Variants in DDX4 observed in about 807,000 individuals in gnomAD.
The protein encoded by DDX4 is probable ATP-dependent RNA helicase DDX4.
DDX4 carries 25 observed loss-of-function variants against 100.0 expected under a neutral mutation model. The observed-to-expected ratio is 0.25, with a 90% CI of 0.18 to 0.35. The LOEUF (loss-of-function observed/expected upper bound fraction) is 0.35, where lower values mean the gene tolerates loss of function less well. Ranked by LOEUF, DDX4 falls within the 10% of genes least tolerant of loss-of-function variation. The pLI, the probability that DDX4 is intolerant of heterozygous loss-of-function variation, is 1.00. For synonymous variants in DDX4, 259 were observed against 275.7 expected, an observed-to-expected ratio of 0.94 and a Z score of 0.60; for missense variants, 635 against 882.4, an observed-to-expected ratio of 0.72 and a Z score of 3.55.
chr5:55,766,633 C>T (rs1243237725), intron 6 of DDX4, among the ~76,000 whole-genome samples: 1 of 152,142 alleles, frequency 6.6e-6, no homozygotes, highest in Non-Finnish European at 1.5e-5. Flanking sequence ...GAGACTGCAA[C>T]AAGAGCTTTG....
At chr5:55,801,888 A>T (rs1389658273) in intron 18 of DDX4, among the ~76,000 whole-genome samples, 3 of 152,090 alleles carry the variant, frequency 2.0e-5, no homozygotes, top group Non-Finnish European at 4.4e-5. Flanking sequence ...AGTACCTATA[A>T]ATTGGAGTGA....
At chr5:55,761,373 A>C (rs1011831261) in intron 4 of DDX4, among the ~76,000 whole-genome samples, 1 of 152,110 alleles carries the variant, frequency 6.6e-6, no homozygotes, top group Non-Finnish European at 1.5e-5. Context: ...ATTTTGATAC[A>C]GGCTTCTAAA....
chr5:55,776,207 C>G (rs1184712113), intron 7 of DDX4, among the ~76,000 whole-genome samples: 2 of 152,174 alleles, frequency 1.3e-5, no homozygotes, highest in East Asian at 1.9e-4. Context: ...AGATTAAACA[C>G]AGATGAAGAG....
chr5:55,763,340 A>G (rs1227097479), intron 5 of DDX4, 88 bp downstream of exon 5: 6 of 854,082 alleles, frequency 7.0e-6, no homozygotes, highest in Non-Finnish European at 1.2e-5. Context: ...GACATTCCAT[A>G]TTGACATTTA....
At chr5:55,809,694 A>C (rs1024568550) in intron 18 of DDX4, among the ~76,000 whole-genome samples, 4 of 152,188 alleles carry the variant, frequency 2.6e-5, no homozygotes, top group African/African-American at 9.6e-5. Context: ...CAAAATGGGA[A>C]CTGAGTTCAC....
chr5:55,787,766 A>C, intron 14 of DDX4, 80 bp from the exon 15 acceptor site: 1 of 1,479,484 alleles, frequency 6.8e-7, no homozygotes, highest in Non-Finnish European at 9.1e-7. Context: ...TCTAAAGGCT[A>C]TAAGGACATG....
chr5:55,739,345 A>G (rs1211726990), intron 2 of DDX4, among the ~76,000 whole-genome samples: 7 of 152,240 alleles, frequency 4.6e-5, no homozygotes, highest in Non-Finnish European at 1.0e-4. Flanking sequence ...AGACGCTTGT[A>G]TGGAAAATTG....
At chr5:55,802,166 T>C (rs1743357479) in intron 18 of DDX4, among the ~76,000 whole-genome samples, 1 of 152,214 alleles carries the variant, frequency 6.6e-6, no homozygotes, top group Non-Finnish European at 1.5e-5. Flanking sequence ...ACTTATATCT[T>C]GGTTAAAGGA....
intron 17 of DDX4, among the ~76,000 whole-genome samples, chr5:55,793,964 ATCCTGTGCTAGTATATCAAACAT>A (rs1349560382): frequency 7.9e-5 from 12 of 152,152 alleles, no homozygotes; most frequent in Admixed American, 2.6e-4. Flanking sequence ...GTTACATGGG[ATCCTGTGCTAGTATATCAAACAT>A]TCCCAAACCC....
intron 18 of DDX4, among the ~76,000 whole-genome samples, chr5:55,805,558 CT>C (rs1258320666): frequency 6.6e-6 from 1 of 152,046 alleles, no homozygotes; most frequent in Non-Finnish European, 1.5e-5. Flanking sequence ...TGTCAAAGGC[CT>C]TTTCTGCATC....
chr5:55,790,541 A>G (rs1190409505), intron 15 of DDX4, 35 bp from the exon 16 acceptor site: 2 of 1,421,106 alleles, frequency 1.4e-6, no homozygotes, highest in Non-Finnish European at 2.0e-6. Flanking sequence ...ATTTTTAAGT[A>G]ACTAGAAAAT....
intron 18 of DDX4, among the ~76,000 whole-genome samples, chr5:55,807,277 G>A (rs369976069): frequency 6.6e-5 from 10 of 152,046 alleles, no homozygotes; most frequent in Non-Finnish European, 1.3e-4. Context: ...TCTTTATCCA[G>A]TTTGCCAGTC....
At chr5:55,770,838 G>A (rs115333693) in intron 7 of DDX4, among the ~76,000 whole-genome samples, 3,807 of 152,160 alleles carry the variant, frequency 0.025, 64 homozygotes, top group South Asian at 0.051. Flanking sequence ...AGCAATTTTT[G>A]GCACTTAATG....
At chr5:55,770,863 C>G (rs1450438971) in intron 7 of DDX4, among the ~76,000 whole-genome samples, 3 of 152,082 alleles carry the variant, frequency 2.0e-5, no homozygotes. Flanking sequence ...TAAAACATAG[C>G]TCATATTTGA....
intron 3 of DDX4, among the ~76,000 whole-genome samples, chr5:55,756,337 A>G (rs542764163): frequency 1.3e-5 from 2 of 152,196 alleles, no homozygotes; most frequent in Admixed American, 6.5e-5. Flanking sequence ...ATTTGTATGC[A>G]CATTACTGTT....
chr5:55,794,125 T>G (rs1742760022), intron 17 of DDX4, among the ~76,000 whole-genome samples: 1 of 152,110 alleles, frequency 6.6e-6, no homozygotes, highest in Non-Finnish European at 1.5e-5. Flanking sequence ...CAGGATATTT[T>G]TCTTTCTTAG....
At chr5:55,783,639 A>T (rs1171010101) in intron 10 of DDX4, among the ~76,000 whole-genome samples, 1 of 145,818 alleles carries the variant, frequency 6.9e-6, no homozygotes, top group Non-Finnish European at 1.5e-5. Flanking sequence ...GAGGAGATGG[A>T]TGGATGGATG....
At chr5:55,814,504 C>CT (rs575021582) in intron 19 of DDX4, among the ~76,000 whole-genome samples, 1,441 of 125,846 alleles carry the variant, frequency 0.011, 21 homozygotes, top group African/African-American at 0.037. Flanking sequence ...TGCTGCTATT[C>CT]TTTTTTTTTT....
At chr5:55,782,881 C>A (rs1208704268) in intron 10 of DDX4, among the ~76,000 whole-genome samples, 6 of 145,440 alleles carry the variant, frequency 4.1e-5, no homozygotes, top group Non-Finnish European at 9.1e-5. Flanking sequence ...CTGCAACTAT[C>A]GCCTCCAGAG....
Sources: gnomAD v4.1 joint callset for allele counts (sites outside exome capture counted in the v4.1 genomes callset) on GRCh38, gnomAD v4.1.1 for gene constraint, MANE v1.5 for transcripts, NCBI Gene and HGNC (gene_info 2026-07-23, HGNC 2026-07-21) for gene names.